UMAD1: variants seen among roughly 807,000 people sequenced by gnomAD.
The protein encoded by UMAD1 is UBAP1-MVB12-associated (UMA) domain containing 1.
A neutral mutation model predicts 6.1 loss-of-function variants in UMAD1; 8 were observed. That is an observed-to-expected ratio of 1.30 (90% confidence interval 0.76 to 2.35). UMAD1 has a LOEUF of 2.35. Among genes scored for constraint, UMAD1 ranks in the 30% most tolerant of loss-of-function variants. The pLI is 0.00. For missense variants in UMAD1, 130 were observed against 78.4 expected (o/e 1.66, Z -2.49); for synonymous variants, 56 against 31.4 (o/e 1.78, Z -2.61).
chr7:7,750,294 T>C (rs1781653081), intron 2 of UMAD1, among the ~76,000 whole-genome samples: 1 of 152,166 alleles, frequency 6.6e-6, no homozygotes, highest in Non-Finnish European at 1.5e-5. Context: ...CTAGAGTCCA[T>C]TTCACATCTG....
At chr7:7,727,852 T>G (rs1458822414) in intron 2 of UMAD1, among the ~76,000 whole-genome samples, 2 of 152,228 alleles carry the variant, frequency 1.3e-5, no homozygotes, top group Non-Finnish European at 2.9e-5. Context: ...GGGACCTTTG[T>G]GTGAGTTTAA....
chr7:7,839,559 G>C (rs947178633), intron 3 of UMAD1, among the ~76,000 whole-genome samples: 2 of 152,152 alleles, frequency 1.3e-5, no homozygotes, highest in Non-Finnish European at 2.9e-5. Context: ...AGGTTGGAGG[G>C]AGACAGGAGT....
chr7:7,832,034 C>T (rs1230054721), intron 3 of UMAD1, among the ~76,000 whole-genome samples: 3 of 152,164 alleles, frequency 2.0e-5, no homozygotes, highest in Non-Finnish European at 4.4e-5. Flanking sequence ...GGTAAAACTT[C>T]TTTTGAAAAA....
rs530030024 is a variant in UMAD1, at chr7:7,811,589, G to A, written c.156+9846G>A. On this transcript the variant is annotated intron_variant, in intron 3 of 3. Transcript: ENST00000682710. ...GATGAATTAGGTGCAATGTTTGAGCGCCCTCCCTGCCCAGAAGTCATGACT... is the reference window on the plus strand; with the variant it reads ...GATGAATTAGGTGCAATGTTTGAGCACCCTCCCTGCCCAGAAGTCATGACT... Among the ~76,000 whole-genome samples the A allele has an allele frequency of 8.5e-5, 13 of 152,186 alleles. No homozygotes were observed. The South Asian group carries it at 1.7e-3, about 19-fold the overall frequency.
intron 2 of UMAD1, among the ~76,000 whole-genome samples, chr7:7,779,012 G>T (rs1490343665): frequency 6.6e-6 from 1 of 152,104 alleles, no homozygotes; most frequent in Non-Finnish European, 1.5e-5. Context: ...TTCAGATAGG[G>T]AAACTCAGGC....
intron 2 of UMAD1, among the ~76,000 whole-genome samples, chr7:7,675,768 C>T (rs747199123): frequency 7.9e-5 from 12 of 152,110 alleles, no homozygotes; most frequent in East Asian, 1.9e-4. Context: ...TCACTTCCGT[C>T]GTAGTTCCAG....
At chr7:7,801,400 A>G (rs1272390908) in intron 2 of UMAD1, among the ~76,000 whole-genome samples, 6 of 152,224 alleles carry the variant, frequency 3.9e-5, no homozygotes, top group Non-Finnish European at 8.8e-5. Context: ...GATTTATAAA[A>G]TATGAATTTA....
intron 2 of UMAD1, among the ~76,000 whole-genome samples, chr7:7,774,683 C>A (rs1782166664): frequency 6.6e-6 from 1 of 152,122 alleles, no homozygotes; most frequent in Non-Finnish European, 1.5e-5. Context: ...GTTTGATAAT[C>A]CCACTACTTA....
chr7:7,644,935 C>A (rs1785061715), intron 1 of UMAD1, among the ~76,000 whole-genome samples: 1 of 152,230 alleles, frequency 6.6e-6, no homozygotes, highest in African/African-American at 2.4e-5. Context: ...TCAACTCTTA[C>A]TATCCTTGAG....
rs1187878156 is a variant in UMAD1 at position 7,645,190 on chromosome 7, G to T, written c.-64+4369G>T. On this transcript the variant is annotated intron_variant, in intron 1 of 3. Coordinates refer to ENST00000682710, the MANE Select transcript of UMAD1 (RefSeq NM_001302348.2). Reference sequence around the variant, plus strand: ...GAATAATTATAGTTTTGTTTCTTAAGAATTCTTACATATTTTATTTATCTT... The same window carrying T: ...GAATAATTATAGTTTTGTTTCTTAATAATTCTTACATATTTTATTTATCTT... Among the ~76,000 whole-genome samples the T allele has an allele frequency of 2.6e-5, 4 of 151,962 alleles. No homozygotes were observed. In the South Asian group the frequency reaches 6.2e-4, roughly 24 times the overall value.
At chr7:7,794,027 G>C (rs1782620009) in intron 2 of UMAD1, among the ~76,000 whole-genome samples, 1 of 152,084 alleles carries the variant, frequency 6.6e-6, no homozygotes, top group African/African-American at 2.4e-5. Flanking sequence ...AAGAGAACTT[G>C]CATTCTGAAG....
chr7:7,728,692 A>G (rs970498911), intron 2 of UMAD1, among the ~76,000 whole-genome samples: 2 of 152,122 alleles, frequency 1.3e-5, no homozygotes, highest in Admixed American at 6.5e-5. Context: ...CATGGATTAA[A>G]TAAGTAGCCA....
At chr7:7,657,050 A>G (rs1016245654) in intron 1 of UMAD1, among the ~76,000 whole-genome samples, 2 of 152,024 alleles carry the variant, frequency 1.3e-5, no homozygotes, top group Non-Finnish European at 2.9e-5. Flanking sequence ...TTTGATTTGC[A>G]TTTCTCTAAT....
At position 7,738,024 on chromosome 7, in the gene UMAD1, T is replaced by C. The variant is rs1208834234; in HGVS notation, c.83-63646T>C. 3.3e-5 allele frequency among the ~76,000 whole-genome samples: 5 copies of C among 152,246 alleles called. 1 individual carries two copies. The highest frequency in any genetic ancestry group is 2.6e-4 in the Admixed American group (4 of 15,284). On this transcript the variant is annotated intron_variant, in intron 2 of 3. Transcript: ENST00000682710. ...GACAGCATAACCTAGTTTTTCATGT[T>C]ATCAATTGAGAAAATGGATTCTAAA...
intron 3 of UMAD1, among the ~76,000 whole-genome samples, chr7:7,807,290 T>C (rs761294479): frequency 4.1e-4 from 62 of 152,176 alleles, no homozygotes; most frequent in Non-Finnish European, 7.8e-4. Context: ...TGTCTACTTG[T>C]ATGATTAATT....
chr7:7,824,825 A>C (rs1026626202), intron 3 of UMAD1, among the ~76,000 whole-genome samples: 10 of 152,176 alleles, frequency 6.6e-5, no homozygotes, highest in African/African-American at 2.4e-4. Flanking sequence ...GGTCCTGTGT[A>C]TTAGCCGCTC....
chr7:7,686,485 G>A (rs1439028912), intron 2 of UMAD1, among the ~76,000 whole-genome samples: 1 of 152,114 alleles, frequency 6.6e-6, no homozygotes, highest in East Asian at 1.9e-4. Context: ...GTTTCAGCAA[G>A]ATTGAGAATT....
intron 2 of UMAD1, among the ~76,000 whole-genome samples, chr7:7,743,794 A>G (rs1430003699): frequency 6.6e-6 from 1 of 151,804 alleles, no homozygotes; most frequent in African/African-American, 2.4e-5. Context: ...TTCCATTGTA[A>G]CCATTTACAA....
At chr7:7,681,953 A>G (rs1257000238) in intron 2 of UMAD1, among the ~76,000 whole-genome samples, 1 of 152,204 alleles carries the variant, frequency 6.6e-6, no homozygotes, top group Non-Finnish European at 1.5e-5. Flanking sequence ...AGAAGGAAAA[A>G]TAACAACAAA....
Sources: gnomAD v4.1 joint callset for allele counts (sites outside exome capture counted in the v4.1 genomes callset) on GRCh38, gnomAD v4.1.1 for gene constraint, MANE v1.5 for transcripts, NCBI Gene and HGNC (gene_info 2026-07-23, HGNC 2026-07-21) for gene names.